AUTS2: variants seen among roughly 807,000 people sequenced by gnomAD.
AUTS2 encodes the protein activator of transcription and developmental regulator AUTS2.
In AUTS2, 17 loss-of-function variants were observed where a neutral mutation model predicts 112.4. That is an observed-to-expected ratio of 0.15 (90% CI 0.10 to 0.23). The LOEUF (loss-of-function observed/expected upper bound fraction) is 0.23, where lower values mean the gene tolerates loss of function less well. Ranked by LOEUF, AUTS2 falls within the 10% of genes least tolerant of loss-of-function variation. The pLI, the probability that AUTS2 is intolerant of heterozygous loss-of-function variation, is 1.00. For missense variants in AUTS2, 1,510 were observed against 1,701.6 expected, an observed-to-expected ratio of 0.89 and a Z score of 1.98; for synonymous variants, 751 against 702.7, an observed-to-expected ratio of 1.07 and a Z score of -1.09.
chr7:70,478,091 T>C (rs1202240795), intron 5 of AUTS2, among the ~76,000 whole-genome samples: 1 of 152,234 alleles, frequency 6.6e-6, no homozygotes, highest in African/African-American at 2.4e-5. Flanking sequence ...TATTATGACC[T>C]GGACTGCTGT....
At chr7:70,173,824 G>GC (rs58141039) in intron 4 of AUTS2, among the ~76,000 whole-genome samples, 151,325 of 152,254 alleles carry the variant, frequency 0.99, 75,199 homozygotes, top group Middle Eastern at 1. Flanking sequence ...CATAAACCTC[G>GC]CTATATAAGA....
At chr7:69,796,186 A>C (rs1330646556) in intron 1 of AUTS2, among the ~76,000 whole-genome samples, 1 of 152,210 alleles carries the variant, frequency 6.6e-6, no homozygotes, top group Non-Finnish European at 1.5e-5. Context: ...GAAAAGATGT[A>C]ACCTAATTGA....
chr7:69,601,587 T>A (rs1026372781), intron 1 of AUTS2, among the ~76,000 whole-genome samples: 1 of 151,894 alleles, frequency 6.6e-6, no homozygotes, highest in Non-Finnish European at 1.5e-5. Context: ...CAGGTGGTGG[T>A]GATGGTGATG....
chr7:69,767,939 C>T (rs1210216451), intron 1 of AUTS2, among the ~76,000 whole-genome samples: 1 of 152,200 alleles, frequency 6.6e-6, no homozygotes, highest in East Asian at 1.9e-4. Flanking sequence ...TCTTCTGTGC[C>T]TTGCTTTGAG....
rs535409999 is a variant in AUTS2, at chr7:69,836,701, A to G, written c.310-62585A>G. Among the ~76,000 whole-genome samples, 32 of 152,336 alleles carry G rather than the reference A, an allele frequency of 2.1e-4. No homozygotes were observed. In the South Asian group the frequency reaches 6.2e-3, roughly 30 times the overall value. On this transcript the variant is annotated intron_variant, in intron 1 of 18. Transcript: ENST00000342771. ...AGAGTTTTGCCATGGGTGTTTGGGA[A>G]AACTGCATTTACTTTCTGCACACTT...
chr7:70,487,345 A>G (rs1366956043), intron 5 of AUTS2, among the ~76,000 whole-genome samples: 3 of 152,182 alleles, frequency 2.0e-5, no homozygotes, highest in Non-Finnish European at 2.9e-5. Flanking sequence ...TTAATATGCT[A>G]AAGTGTTCCC....
At chr7:70,595,166 C>T (rs577796314) in intron 5 of AUTS2, among the ~76,000 whole-genome samples, 5 of 152,200 alleles carry the variant, frequency 3.3e-5, no homozygotes, top group South Asian at 4.2e-4. Context: ...ACTGCAGCAA[C>T]CGCTGTTAGG....
At chr7:70,290,982 G>T (rs998259351) in intron 4 of AUTS2, 10 of 152,686 alleles carry the variant, frequency 6.5e-5, no homozygotes, top group African/African-American at 2.4e-4. Context: ...TATTCACAGG[G>T]TATATTTGTT....
At position 69,688,522 on chromosome 7, in the gene AUTS2, C is replaced by A. The variant is rs576327713; in HGVS notation, c.309+88560C>A. ...CTTTTTTAACTGACATATAATCGTA[C>A]ATATTTATGGGGTACATAGTGATGT... On this transcript the variant is annotated intron_variant, in intron 1 of 18. Coordinates refer to ENST00000342771, the MANE Select transcript of AUTS2 (RefSeq NM_015570.4). Among the ~76,000 whole-genome samples, 25 of 152,156 alleles carry A rather than the reference C, an allele frequency of 1.6e-4. No homozygotes were observed. The South Asian group carries it at 5.2e-3, about 32-fold the overall frequency.
At chr7:70,396,203 C>A (rs1386922621) in intron 4 of AUTS2, among the ~76,000 whole-genome samples, 2 of 152,108 alleles carry the variant, frequency 1.3e-5, no homozygotes, top group Non-Finnish European at 2.9e-5. Context: ...TTTGTGGTCC[C>A]TTCCTCCTGC....
At chr7:70,610,423 CTTTTTTTT>C (rs3054735) in intron 5 of AUTS2, among the ~76,000 whole-genome samples, 14,920 of 77,632 alleles carry the variant, frequency 0.19, 1,159 homozygotes, top group Middle Eastern at 0.33. Context: ...TAGCGCTCAT[CTTTTTTTT>C]TTTTTTTTTT....
intron 5 of AUTS2, among the ~76,000 whole-genome samples, chr7:70,472,401 A>G (rs1379345779): frequency 6.7e-6 from 1 of 149,984 alleles, no homozygotes; most frequent in Non-Finnish European, 1.5e-5. Flanking sequence ...CGTAACTTAT[A>G]ATCTCAGATC....
chr7:70,644,407 C>A (rs1395542499), intron 5 of AUTS2, among the ~76,000 whole-genome samples: 2 of 152,088 alleles, frequency 1.3e-5, no homozygotes, highest in Non-Finnish European at 2.9e-5. Flanking sequence ...GTGCTTTAAC[C>A]ATCCTAAAAC....
At chr7:70,579,440 T>C (rs557638972) in intron 5 of AUTS2, among the ~76,000 whole-genome samples, 1 of 152,182 alleles carries the variant, frequency 6.6e-6, no homozygotes, top group African/African-American at 2.4e-5. Flanking sequence ...GATTCTTTTT[T>C]CTAAGCAATT....
At chr7:70,546,802 C>T (rs1370973349) in intron 5 of AUTS2, among the ~76,000 whole-genome samples, 1 of 149,302 alleles carries the variant, frequency 6.7e-6, no homozygotes, top group African/African-American at 2.5e-5. Context: ...AAAAAAAAAT[C>T]ATTCAGGTAC....
At chr7:69,700,536 C>T (rs1342916837) in intron 1 of AUTS2, among the ~76,000 whole-genome samples, 1 of 152,090 alleles carries the variant, frequency 6.6e-6, no homozygotes, top group African/African-American at 2.4e-5. Context: ...ATTCACGACT[C>T]CTGGCTGCCT....
chr7:70,492,501 A>G (rs941848152), intron 5 of AUTS2, among the ~76,000 whole-genome samples: 2 of 152,186 alleles, frequency 1.3e-5, no homozygotes, highest in African/African-American at 4.8e-5. Flanking sequence ...ACATTCTCAC[A>G]TGCATTCTCT....
At chr7:70,739,985 A>G (rs1373563684) in intron 6 of AUTS2, among the ~76,000 whole-genome samples, 1 of 152,070 alleles carries the variant, frequency 6.6e-6, no homozygotes, top group Non-Finnish European at 1.5e-5. Context: ...ATCCACTACC[A>G]AGGAAGCATG....
At chr7:70,360,783 C>G (rs949285620) in intron 4 of AUTS2, among the ~76,000 whole-genome samples, 3 of 152,136 alleles carry the variant, frequency 2.0e-5, no homozygotes, top group Admixed American at 6.5e-5. Context: ...GAAGGCTGAC[C>G]GTGAGCTGTG....
Sources: allele counts gnomAD v4.1 joint callset (sites outside exome capture counted in the v4.1 genomes callset), GRCh38; gene constraint gnomAD v4.1.1; transcripts MANE v1.5; gene names NCBI Gene and HGNC (gene_info 2026-07-23, HGNC 2026-07-21).